ARID5B: variants seen among roughly 807,000 people sequenced by gnomAD.
ARID5B encodes AT-rich interaction domain 5B.
ARID5B carries 13 observed loss-of-function variants against 97.2 expected under a neutral mutation model. That is an observed-to-expected ratio of 0.13 (90% CI 0.09 to 0.21). The LOEUF is 0.21. Ranked by LOEUF, ARID5B falls within the 10% of genes least tolerant of loss-of-function variation. ARID5B has a pLI of 1.00. For missense variants in ARID5B, 1,210 were observed against 1,465.3 expected (o/e 0.83, Z 2.84); for synonymous variants, 556 against 570.3 (o/e 0.97, Z 0.36).
intron 4 of ARID5B, among the ~76,000 whole-genome samples, chr10:62,030,554 G>T (rs755770236): frequency 5.3e-5 from 8 of 152,328 alleles, no homozygotes; most frequent in African/African-American, 7.2e-5. Flanking sequence ...ATGGATGAGT[G>T]GGGGGCTGAA....
At chr10:62,029,935 C>T (rs190466084) in intron 4 of ARID5B, among the ~76,000 whole-genome samples, 2 of 152,220 alleles carry the variant, frequency 1.3e-5, no homozygotes, top group African/African-American at 2.4e-5. Context: ...AAATCTTAGT[C>T]TTTGATGTGG....
chr10:62,016,216 A>G (rs948539209), intron 4 of ARID5B, among the ~76,000 whole-genome samples: 1 of 152,214 alleles, frequency 6.6e-6, no homozygotes, highest in South Asian at 2.1e-4. Context: ...ATACGCTTAC[A>G]TCTTATCTAT....
intron 2 of ARID5B, among the ~76,000 whole-genome samples, chr10:61,905,445 G>GTTT (rs71022103): frequency 9.1e-5 from 13 of 143,530 alleles, no homozygotes; most frequent in African/African-American, 3.3e-4. Flanking sequence ...TTTGCAGAGG[G>GTTT]TTTTTTTTTT....
chr10:62,085,568 G>A (rs1840269154), intron 8 of ARID5B, 134 bp from the exon 9 acceptor site: 1 of 757,396 alleles, frequency 1.3e-6, no homozygotes, highest in African/African-American at 1.7e-5. Context: ...TAAGTTTATA[G>A]AAGTATAGCA....
At chr10:61,944,839 C>T (rs1028941987) in intron 3 of ARID5B, among the ~76,000 whole-genome samples, 1 of 152,094 alleles carries the variant, frequency 6.6e-6, no homozygotes, top group African/African-American at 2.4e-5. Context: ...GTTTCATCTC[C>T]AAATGTGTCT....
At chr10:61,978,074 A>G (rs991531780) in intron 3 of ARID5B, among the ~76,000 whole-genome samples, 16 of 152,250 alleles carry the variant, frequency 1.1e-4, no homozygotes, top group Non-Finnish European at 2.1e-4. Flanking sequence ...AGCTTTCTAC[A>G]TATGGCTGGC....
intron 3 of ARID5B, among the ~76,000 whole-genome samples, chr10:61,952,047 G>T (rs931067025): frequency 1.3e-5 from 2 of 152,070 alleles, no homozygotes; most frequent in African/African-American, 2.4e-5. Flanking sequence ...ACATTTGTAG[G>T]GGGGGATCGC....
At chr10:61,931,132 A>G (rs940667734) in intron 2 of ARID5B, among the ~76,000 whole-genome samples, 2 of 152,194 alleles carry the variant, frequency 1.3e-5, no homozygotes, top group African/African-American at 4.8e-5. Flanking sequence ...TTAGTGACAT[A>G]ATACCATGGC....
chr10:61,909,041 G>A (rs897308183), intron 2 of ARID5B, among the ~76,000 whole-genome samples: 2 of 152,088 alleles, frequency 1.3e-5, no homozygotes, highest in Non-Finnish European at 2.9e-5. Flanking sequence ...ACACATATTT[G>A]TAGAGCACCT....
intron 4 of ARID5B, among the ~76,000 whole-genome samples, chr10:62,004,301 G>A (rs1339201201): frequency 6.6e-6 from 1 of 152,120 alleles, no homozygotes; most frequent in Non-Finnish European, 1.5e-5. Flanking sequence ...CTTCAGTCTC[G>A]ACATTCTGCT....
chr10:62,041,320 TG>T (rs1474482974), intron 4 of ARID5B, among the ~76,000 whole-genome samples: 1 of 152,168 alleles, frequency 6.6e-6, no homozygotes, highest in Non-Finnish European at 1.5e-5. Context: ...GGTACTTAGT[TG>T]GGGATGGTGC....
At chr10:61,972,097 A>G (rs1056625338) in intron 3 of ARID5B, among the ~76,000 whole-genome samples, 1 of 152,130 alleles carries the variant, frequency 6.6e-6, no homozygotes, top group Non-Finnish European at 1.5e-5. Context: ...AAAGAAAAAA[A>G]TTATCCAGAA....
chr10:61,960,626 A>G (rs1366916771), intron 3 of ARID5B, among the ~76,000 whole-genome samples: 1 of 150,942 alleles, frequency 6.6e-6, no homozygotes, highest in African/African-American at 2.4e-5. Flanking sequence ...CTTGAGCATG[A>G]GTTGAAGCCC....
At chr10:61,925,313 A>C (rs1844084861) in intron 2 of ARID5B, among the ~76,000 whole-genome samples, 1 of 152,046 alleles carries the variant, frequency 6.6e-6, no homozygotes, top group African/African-American at 2.4e-5. Context: ...TTTTGCTTTT[A>C]TTGGGTGTTC....
chr10:62,036,936 G>A, intron 4 of ARID5B, among the ~76,000 whole-genome samples: 1 of 152,128 alleles, frequency 6.6e-6, no homozygotes, highest in East Asian at 1.9e-4. Context: ...CTCCAATGAC[G>A]AATCCTACTG....
intron 3 of ARID5B, among the ~76,000 whole-genome samples, chr10:61,972,939 T>A (rs1452029207): frequency 2.6e-5 from 4 of 152,234 alleles, no homozygotes; most frequent in Non-Finnish European, 5.9e-5. Context: ...TCAAGTTTCA[T>A]GAGAAGTTGG....
chr10:61,950,736 C>A (rs921878000), intron 3 of ARID5B, among the ~76,000 whole-genome samples: 3 of 152,202 alleles, frequency 2.0e-5, no homozygotes, highest in African/African-American at 7.2e-5. Flanking sequence ...CTTGATTCAG[C>A]AGTTCCCCTT....
chr10:61,948,349 C>A (rs915682540), intron 3 of ARID5B, among the ~76,000 whole-genome samples: 3 of 143,248 alleles, frequency 2.1e-5, no homozygotes, highest in Non-Finnish European at 4.5e-5. Flanking sequence ...CTCACCATCA[C>A]GGTTACTTAT....
At chr10:61,961,106 G>A (rs184187899) in intron 3 of ARID5B, among the ~76,000 whole-genome samples, 1 of 152,236 alleles carries the variant, frequency 6.6e-6, no homozygotes, top group East Asian at 1.9e-4. Flanking sequence ...CTAGACTTTA[G>A]TCATTTATAA....
Sources: allele counts gnomAD v4.1 joint callset (sites outside exome capture counted in the v4.1 genomes callset), GRCh38; gene constraint gnomAD v4.1.1; transcripts MANE v1.5; gene names NCBI Gene and HGNC (gene_info 2026-07-23, HGNC 2026-07-21).